Variants in PTPRD observed in about 807,000 individuals in gnomAD.
PTPRD encodes the protein receptor-type tyrosine-protein phosphatase delta.
PTPRD carries 34 observed loss-of-function variants against 214.5 expected under a neutral mutation model. The observed-to-expected ratio is 0.16, with a 90% CI of 0.12 to 0.21. The LOEUF is 0.21. Ranked by LOEUF, PTPRD falls within the 10% of genes least tolerant of loss-of-function variation. The pLI, the probability that PTPRD is intolerant of heterozygous loss-of-function variation, is 1.00. For synonymous variants in PTPRD, 1,128 were observed against 845.7 expected, an observed-to-expected ratio of 1.33 and a Z score of -5.79; for missense variants, 2,545 against 2,398.7, an observed-to-expected ratio of 1.06 and a Z score of -1.27.
At chr9:8,821,754 C>T (rs1010644630) in intron 11 of PTPRD, among the ~76,000 whole-genome samples, 3 of 152,208 alleles carry the variant, frequency 2.0e-5, no homozygotes, top group Non-Finnish European at 2.9e-5. Flanking sequence ...CAACCTCCGC[C>T]TCCCAGGTTC....
chr9:8,734,810 A>T (rs2098700282), intron 11 of PTPRD, among the ~76,000 whole-genome samples: 1 of 152,238 alleles, frequency 6.6e-6, no homozygotes. Flanking sequence ...TAGCGCCAGG[A>T]AGGAAAACCA....
intron 27 of PTPRD, among the ~76,000 whole-genome samples, chr9:8,489,173 T>A (rs2136127295): frequency 6.6e-6 from 1 of 152,244 alleles, no homozygotes; most frequent in East Asian, 1.9e-4. Flanking sequence ...GCTGGCAAAG[T>A]CTAGGAAAAA....
At chr9:8,485,419 G>T (rs941035026) in intron 28 of PTPRD, 95 bp from the exon 29 acceptor site, 4 of 820,480 alleles carry the variant, frequency 4.9e-6, no homozygotes, top group Admixed American at 4.8e-5. Flanking sequence ...GCTAGATGCT[G>T]TCTACTTTGA....
intron 12 of PTPRD, among the ~76,000 whole-genome samples, chr9:8,672,919 T>C (rs1292357686): frequency 3.3e-5 from 5 of 152,090 alleles, no homozygotes; most frequent in Non-Finnish European, 7.4e-5. Flanking sequence ...GTTTCAATTC[T>C]GCCAATTAAA....
chr9:8,649,898 A>G lies in PTPRD; in HGVS notation c.65-13054T>C, dbSNP rs186148687. On this transcript the variant is annotated intron_variant, in intron 12 of 45. Coordinates refer to ENST00000381196, the MANE Select transcript of PTPRD (RefSeq NM_002839.4). ...TCTTGGTACGCAACATTTTACTTTA[A>G]GGGCTATTTTTTTAATGTTTTAATT... 2.0e-5 allele frequency among the ~76,000 whole-genome samples: 3 copies of G among 152,172 alleles called. No homozygotes were observed. The East Asian group carries it at 5.8e-4, about 30-fold the overall frequency.
chr9:10,353,370 A>G (rs113491349), intron 2 of PTPRD, among the ~76,000 whole-genome samples: 62 of 152,090 alleles, frequency 4.1e-4, no homozygotes, highest in Non-Finnish European at 7.5e-4. Context: ...GCATTTGACT[A>G]TTTCAGAGTT....
chr9:8,797,518 C>A (rs2096464601), intron 11 of PTPRD, among the ~76,000 whole-genome samples: 4 of 152,296 alleles, frequency 2.6e-5, no homozygotes, highest in Admixed American at 6.5e-5. Flanking sequence ...CCATCACACA[C>A]TATGAAGATC....
chr9:8,507,509 T>G, intron 21 of PTPRD, 75 bp from the exon 22 acceptor site: 1 of 1,572,636 alleles, frequency 6.4e-7, no homozygotes, highest in African/African-American at 1.3e-5. Flanking sequence ...TAGCGTAACC[T>G]GCTTAAACCT....
chr9:9,262,996 T>C (rs951466656), intron 9 of PTPRD, among the ~76,000 whole-genome samples: 5 of 151,626 alleles, frequency 3.3e-5, no homozygotes, highest in Admixed American at 2.0e-4. Context: ...CTGATACATA[T>C]AATAATTTGT....
chr9:10,438,031 T>A (rs933418575), intron 2 of PTPRD, among the ~76,000 whole-genome samples: 2 of 130,000 alleles, frequency 1.5e-5, no homozygotes, highest in African/African-American at 3.6e-5. Flanking sequence ...ATATATATAG[T>A]GAAGGGTCAT....
chr9:8,707,045 T>C (rs963875713), intron 12 of PTPRD, among the ~76,000 whole-genome samples: 1 of 152,220 alleles, frequency 6.6e-6, no homozygotes, highest in South Asian at 2.1e-4. Flanking sequence ...AATCAATTAA[T>C]GATTTAATTA....
At chr9:10,490,374 T>C (rs970499368) in intron 2 of PTPRD, among the ~76,000 whole-genome samples, 1 of 152,126 alleles carries the variant, frequency 6.6e-6, no homozygotes, top group Non-Finnish European at 1.5e-5. Context: ...GAAAATAGGA[T>C]GTAAAAGACA....
At chr9:9,611,357 T>G (rs1044497515) in intron 7 of PTPRD, among the ~76,000 whole-genome samples, 5 of 152,168 alleles carry the variant, frequency 3.3e-5, no homozygotes, top group Non-Finnish European at 7.4e-5. Flanking sequence ...AGAGCATTGA[T>G]GCTGACCATT....
At chr9:9,035,355 C>T (rs1391515361) in intron 10 of PTPRD, among the ~76,000 whole-genome samples, 1 of 152,012 alleles carries the variant, frequency 6.6e-6, no homozygotes, top group African/African-American at 2.4e-5. Context: ...TCTTTCTAGA[C>T]AGTAAATAAG....
At chr9:8,510,719 G>C (rs1487712088) in intron 21 of PTPRD, among the ~76,000 whole-genome samples, 1 of 152,080 alleles carries the variant, frequency 6.6e-6, no homozygotes, top group Non-Finnish European at 1.5e-5. Context: ...CTCGGGAACT[G>C]AGGGTGTACC....
At chr9:9,160,826 C>T (rs1569556258) in intron 10 of PTPRD, among the ~76,000 whole-genome samples, 1 of 152,126 alleles carries the variant, frequency 6.6e-6, no homozygotes, top group Admixed American at 6.6e-5. Context: ...TATACACACA[C>T]AATGAAATAC....
intron 5 of PTPRD, among the ~76,000 whole-genome samples, chr9:9,869,595 T>C (rs2064914952): frequency 6.6e-6 from 1 of 152,042 alleles, no homozygotes; most frequent in Non-Finnish European, 1.5e-5. Context: ...ACCAATGAAG[T>C]ATTCTTTGAA....
At chr9:8,946,339 A>T (rs1178904311) in intron 11 of PTPRD, among the ~76,000 whole-genome samples, 1 of 152,016 alleles carries the variant, frequency 6.6e-6, no homozygotes, top group East Asian at 1.9e-4. Flanking sequence ...CCACCACCCC[A>T]AGGAGGCAGC....
intron 35 of PTPRD, among the ~76,000 whole-genome samples, chr9:8,417,941 T>G (rs547620553): frequency 6.6e-6 from 1 of 152,294 alleles, no homozygotes; most frequent in East Asian, 1.9e-4. Context: ...GGGTGATTTG[T>G]TTTTGAATGC....
Sources: gnomAD v4.1 joint callset for allele counts (sites outside exome capture counted in the v4.1 genomes callset) on GRCh38, gnomAD v4.1.1 for gene constraint, MANE v1.5 for transcripts, NCBI Gene and HGNC (gene_info 2026-07-23, HGNC 2026-07-21) for gene names.